The following AUTS2 variants were observed in gnomAD, a reference collection of about 807,000 sequenced individuals.
AUTS2 encodes the protein activator of transcription and developmental regulator AUTS2.
A neutral mutation model predicts 112.4 loss-of-function variants in AUTS2; 17 were observed. That is an observed-to-expected ratio of 0.15 (90% confidence interval 0.10 to 0.23). The LOEUF is 0.23. Ranked by LOEUF, AUTS2 falls within the 10% of genes least tolerant of loss-of-function variation. The pLI is 1.00. For synonymous variants in AUTS2, 751 were observed against 702.7 expected (o/e 1.07, Z -1.09); for missense variants, 1,510 against 1,701.6 (o/e 0.89, Z 1.98).
chr7:70,467,455 A>G lies in AUTS2; in HGVS notation c.690+31674A>G, dbSNP rs1306285698. On this transcript the variant is annotated intron_variant, in intron 5 of 18. Transcript: ENST00000342771. ...AGGATCAAAATCTGACCCAGCAGGC[A>G]GAGAAAGTAGTGTGTTTAGGTTGGG... Among the ~76,000 whole-genome samples the G allele has an allele frequency of 2.0e-5, 3 of 152,250 alleles. No individual in the cohort carries two copies. In the East Asian group the frequency reaches 5.8e-4, roughly 29 times the overall value.
intron 1 of AUTS2, among the ~76,000 whole-genome samples, chr7:69,632,637 T>C (rs1211419233): frequency 6.6e-6 from 1 of 150,706 alleles, no homozygotes; most frequent in Admixed American, 6.6e-5. Flanking sequence ...TCTTTCTCTT[T>C]CCTTTCCCTT....
rs1799318397 is a variant in AUTS2, at chr7:70,514,147, TA to T, written c.690+78367del. On this transcript the variant is annotated intron_variant, in intron 5 of 18. Coordinates refer to ENST00000342771, the MANE Select transcript of AUTS2 (RefSeq NM_015570.4). ...CTAGTTTATTTTAACTGCTGTATAT[TA>T]TTTTATTATGTGAATAAACCATACT... Among the ~76,000 whole-genome samples the T allele has an allele frequency of 2.0e-5, 3 of 152,364 alleles. No homozygotes were observed. In the South Asian group the frequency reaches 6.2e-4, roughly 32 times the overall value.
chr7:70,290,675 A>C, intron 4 of AUTS2: 1 of 1,339,680 alleles, frequency 7.5e-7, no homozygotes. Flanking sequence ...TCCATTCCTC[A>C]TCCCAATTCA....
At chr7:70,619,876 G>A (rs867102577) in intron 5 of AUTS2, among the ~76,000 whole-genome samples, 4 of 152,156 alleles carry the variant, frequency 2.6e-5, no homozygotes, top group East Asian at 1.9e-4. Context: ...GCCTGCCTCC[G>A]CCCATGGCTC....
intron 6 of AUTS2, among the ~76,000 whole-genome samples, chr7:70,717,286 T>C (rs1280797017): frequency 6.6e-6 from 1 of 152,142 alleles, no homozygotes; most frequent in African/African-American, 2.4e-5. Flanking sequence ...CCTCAAGTGA[T>C]CCTCCTATCC....
chr7:70,349,302 A>G (rs2129622450), intron 4 of AUTS2, among the ~76,000 whole-genome samples: 1 of 152,282 alleles, frequency 6.6e-6, no homozygotes, highest in Non-Finnish European at 1.5e-5. Flanking sequence ...AAGACAGACC[A>G]TAATCAGCAC....
chr7:69,989,968 C>A (rs1031011244), intron 2 of AUTS2, among the ~76,000 whole-genome samples: 1 of 152,150 alleles, frequency 6.6e-6, no homozygotes, highest in Non-Finnish European at 1.5e-5. Flanking sequence ...ACAGGTGCAT[C>A]CCAACACCAT....
chr7:70,113,251 A>G (rs1805177998), intron 2 of AUTS2, among the ~76,000 whole-genome samples: 1 of 152,098 alleles, frequency 6.6e-6, no homozygotes, highest in Non-Finnish European at 1.5e-5. Flanking sequence ...TACTTATTGT[A>G]GTTATTTTGT....
At chr7:70,334,048 GA>G (rs1177900991) in intron 4 of AUTS2, among the ~76,000 whole-genome samples, 4 of 152,132 alleles carry the variant, frequency 2.6e-5, no homozygotes, top group Non-Finnish European at 5.9e-5. Flanking sequence ...TCTGTACATA[GA>G]ATAATGTCTG....
chr7:70,274,250 C>G (rs1398061893), intron 4 of AUTS2, among the ~76,000 whole-genome samples: 1 of 151,896 alleles, frequency 6.6e-6, no homozygotes, highest in African/African-American at 2.4e-5. Flanking sequence ...CTTTCTCTCC[C>G]TCTTTCCTTC....
chr7:70,353,312 T>G (rs558485420), intron 4 of AUTS2, among the ~76,000 whole-genome samples: 2 of 152,310 alleles, frequency 1.3e-5, no homozygotes, highest in East Asian at 3.9e-4. Flanking sequence ...CATGAAAAAT[T>G]TGAAATTAAT....
At chr7:69,837,535 C>T (rs928647926) in intron 1 of AUTS2, among the ~76,000 whole-genome samples, 4 of 152,104 alleles carry the variant, frequency 2.6e-5, no homozygotes, top group Admixed American at 2.6e-4. Context: ...CTACAATTGC[C>T]TGCCCCTCCT....
intron 8 of AUTS2, 114 bp from the exon 9 acceptor site, chr7:70,766,000 C>T: frequency 6.7e-7 from 1 of 1,489,072 alleles, no homozygotes; most frequent in South Asian, 1.3e-5. Context: ...GGCCCAGCCA[C>T]ACCCTGTCAC....
At chr7:70,389,743 C>T (rs542767584) in intron 4 of AUTS2, among the ~76,000 whole-genome samples, 7 of 152,036 alleles carry the variant, frequency 4.6e-5, no homozygotes, top group Non-Finnish European at 1.0e-4. Context: ...ACCCTCCTCT[C>T]CTCTCATAAC....
chr7:69,747,422 C>G (rs1787541468), intron 1 of AUTS2, among the ~76,000 whole-genome samples: 1 of 152,068 alleles, frequency 6.6e-6, no homozygotes, highest in African/African-American at 2.4e-5. Context: ...TAAATGCTGG[C>G]TATTTGAATA....
At chr7:70,104,536 G>T (rs1235257163) in intron 2 of AUTS2, among the ~76,000 whole-genome samples, 1 of 152,084 alleles carries the variant, frequency 6.6e-6, no homozygotes, top group Non-Finnish European at 1.5e-5. Context: ...TGCATATACT[G>T]GTAGTTAAAA....
intron 4 of AUTS2, among the ~76,000 whole-genome samples, chr7:70,328,744 AG>A (rs1197569112): frequency 6.6e-6 from 1 of 152,222 alleles, no homozygotes; most frequent in Non-Finnish European, 1.5e-5. Flanking sequence ...AAGATTTAAG[AG>A]AATGGAAAAG....
intron 1 of AUTS2, among the ~76,000 whole-genome samples, chr7:69,835,599 C>A (rs961867766): frequency 6.6e-6 from 1 of 152,138 alleles, no homozygotes; most frequent in Non-Finnish European, 1.5e-5. Context: ...CAGGCCTTCC[C>A]TTTACTGCCT....
chr7:69,601,797 CTT>C (rs1792422144), intron 1 of AUTS2, among the ~76,000 whole-genome samples: 1 of 152,014 alleles, frequency 6.6e-6, no homozygotes, highest in South Asian at 2.1e-4. Flanking sequence ...GTCTCTCTCT[CTT>C]GTTTTAAAAT....
Sources: allele counts gnomAD v4.1 joint callset (sites outside exome capture counted in the v4.1 genomes callset), GRCh38; gene constraint gnomAD v4.1.1; transcripts MANE v1.5; gene names NCBI Gene and HGNC (gene_info 2026-07-23, HGNC 2026-07-21).